The following ADGRB3 variants were observed in gnomAD, a reference collection of about 807,000 sequenced individuals.
The protein encoded by ADGRB3 is brain-specific angiogenesis inhibitor 3.
A neutral mutation model predicts 193.4 loss-of-function variants in ADGRB3; 37 were observed. That is an observed-to-expected ratio of 0.19 (90% CI 0.15 to 0.25). The LOEUF is 0.25. Among genes scored for constraint, ADGRB3 ranks in the 10% least tolerant of loss-of-function variants. ADGRB3 has a pLI of 1.00. For missense variants in ADGRB3, 1,637 were observed against 1,852.9 expected, an observed-to-expected ratio of 0.88 and a Z score of 2.14; for synonymous variants, 690 against 644.2, an observed-to-expected ratio of 1.07 and a Z score of -1.08.
chr6:69,280,465 T>A (rs1260453315), intron 20 of ADGRB3, among the ~76,000 whole-genome samples: 1 of 152,216 alleles, frequency 6.6e-6, no homozygotes, highest in Non-Finnish European at 1.5e-5. Context: ...CCATCATTTC[T>A]TATCTGTGTG....
rs146126489 is a variant in ADGRB3, at chr6:68,894,631, G to T, written c.758-35928G>T. On this transcript the variant is annotated intron_variant, in intron 3 of 31. Transcript: ENST00000370598. The stretch of plus-strand genomic sequence containing the variant: ...TCATGTTATATACACAGGTGGATTG[G>T]TTAGTATAGAAAAAAAATTGCATTC... 4.3e-4 allele frequency among the ~76,000 whole-genome samples: 66 copies of T among 151,930 alleles called. 2 individuals are homozygous for T. In the East Asian group the frequency reaches 0.012, roughly 28 times the overall value.
At chr6:69,373,265 T>C (rs538793484) in intron 30 of ADGRB3, among the ~76,000 whole-genome samples, 1 of 152,128 alleles carries the variant, frequency 6.6e-6, no homozygotes, top group Non-Finnish European at 1.5e-5. Flanking sequence ...TAATTGATAC[T>C]CCTAAAATTA....
In ADGRB3 at chr6:68,639,475, T is replaced by G. The variant is rs377077866; in HGVS notation, c.757+43T>G. On this transcript the variant is annotated intron_variant, in intron 3 of 31. Transcript: ENST00000370598. ...GGGAAGGTGAGCGGGGGAGCACTTT[T>G]GGGGGATGGAGTTAAAACGTGCTGT... The G allele has an allele frequency of 3.3e-6, 5 of 1,524,982 alleles. No individual in the cohort carries two copies. The African/African-American group carries it at 6.9e-5, about 21-fold the overall frequency. 94.5% of individuals were successfully genotyped at this position (1,524,982 alleles called of 1,614,324 possible).
chr6:68,664,026 G>T (rs932559050), intron 3 of ADGRB3, among the ~76,000 whole-genome samples: 3 of 151,762 alleles, frequency 2.0e-5, no homozygotes, highest in African/African-American at 7.3e-5. Flanking sequence ...TTTCATTCAT[G>T]GGATAAAAGG....
At chr6:69,210,178 G>A (rs1190384082) in intron 17 of ADGRB3, among the ~76,000 whole-genome samples, 3 of 50,872 alleles carry the variant, frequency 5.9e-5, no homozygotes, top group African/African-American at 2.4e-4. Flanking sequence ...ATAAAGGGGA[G>A]TTTATTAAAT....
intron 3 of ADGRB3, among the ~76,000 whole-genome samples, chr6:68,768,856 A>G (rs1164569980): frequency 2.6e-5 from 4 of 151,190 alleles, no homozygotes; most frequent in Admixed American, 6.6e-5. Flanking sequence ...AAAAAAAAAA[A>G]CTCATCAAAA....
At chr6:68,970,775 A>G (rs1345126576) in intron 8 of ADGRB3, among the ~76,000 whole-genome samples, 1 of 152,244 alleles carries the variant, frequency 6.6e-6, no homozygotes, top group Non-Finnish European at 1.5e-5. Flanking sequence ...TAAGTGCATG[A>G]AATAACCAAT....
intron 3 of ADGRB3, among the ~76,000 whole-genome samples, chr6:68,706,016 A>C (rs192908613): frequency 6.6e-6 from 1 of 152,296 alleles, no homozygotes; most frequent in Admixed American, 6.5e-5. Context: ...GAGGTGATCA[A>C]ATACTGAAGT....
intron 3 of ADGRB3, among the ~76,000 whole-genome samples, chr6:68,787,036 G>A (rs7751539): frequency 3.9e-5 from 6 of 152,012 alleles, no homozygotes; most frequent in Non-Finnish European, 7.4e-5. Context: ...GTTCTTATCA[G>A]CTTGAGGAGA....
intron 23 of ADGRB3, 71 bp from the exon 24 acceptor site, chr6:69,332,852 A>AT: frequency 1.3e-5 from 21 of 1,578,652 alleles, no homozygotes; most frequent in Admixed American, 1.8e-5. Flanking sequence ...TAAAAATAGG[A>AT]TTTTCAGGAG....
intron 26 of ADGRB3, among the ~76,000 whole-genome samples, chr6:69,346,227 G>GA (rs1228668112): frequency 6.6e-6 from 1 of 152,102 alleles, no homozygotes; most frequent in Non-Finnish European, 1.5e-5. Flanking sequence ...CACAGAATTA[G>GA]AAAAAACTAC....
At chr6:69,134,229 C>G (rs1284089703) in intron 17 of ADGRB3, among the ~76,000 whole-genome samples, 1 of 152,076 alleles carries the variant, frequency 6.6e-6, no homozygotes, top group Non-Finnish European at 1.5e-5. Flanking sequence ...TTCTTCCTCC[C>G]TTTTTAGTCA....
At chr6:69,316,359 T>C (rs1321565466) in intron 20 of ADGRB3, among the ~76,000 whole-genome samples, 3 of 151,312 alleles carry the variant, frequency 2.0e-5, no homozygotes, top group Non-Finnish European at 4.4e-5. Flanking sequence ...ATAGGAAACA[T>C]AGACAAGTAA....
intron 3 of ADGRB3, among the ~76,000 whole-genome samples, chr6:68,844,004 A>G (rs1582247606): frequency 6.6e-6 from 1 of 152,162 alleles, no homozygotes. Flanking sequence ...TATCTCTCAC[A>G]TATACAAATA....
intron 30 of ADGRB3, among the ~76,000 whole-genome samples, chr6:69,380,562 A>G (rs369637946): frequency 8.5e-5 from 13 of 152,074 alleles, no homozygotes; most frequent in African/African-American, 3.1e-4. Flanking sequence ...AATTGTCTGA[A>G]TCCTAGAAAA....
intron 17 of ADGRB3, among the ~76,000 whole-genome samples, chr6:69,200,875 C>T (rs1765405272): frequency 1.3e-5 from 2 of 152,246 alleles, no homozygotes; most frequent in African/African-American, 4.8e-5. Context: ...TAAGCTGACA[C>T]TGCTAGAACC....
intron 13 of ADGRB3, among the ~76,000 whole-genome samples, chr6:69,022,740 A>G (rs1770308901): frequency 6.6e-6 from 1 of 152,032 alleles, no homozygotes; most frequent in African/African-American, 2.4e-5. Context: ...TTTTGCGGTA[A>G]TAGCATAAAA....
Position 69,382,913 on chromosome 6 carries a change from A to G in ADGRB3, c.4358A>G (p.Asp1453Gly), listed in dbSNP as rs752884419. 1.2e-6 allele frequency: 2 copies of G among 1,605,880 alleles called. No homozygotes were observed. The highest frequency in any genetic ancestry group is 1.1e-5 in the South Asian group (1 of 90,624). Residue 1453 changes from aspartate (D) to glycine (G), a missense_variant, in exon 31 of 32, where the codon GAT (aspartate) becomes GGT (glycine). By Grantham distance (94) the Asp-to-Gly change is moderately conservative (BLOSUM62 -1). Around this residue, in one of 7 missense-constraint regions of ADGRB3, gnomAD observed 368 missense variants for 367.4 expected, o/e 1.00. Coordinates refer to ENST00000370598, the MANE Select transcript of ADGRB3 (RefSeq NM_001704.3). ...QKFQTLDRFR[D>G]IPNTSSMENP... ...TTTCAAACTTTGGACAGATTTCGGGATATACCAAATACAAGCAGTATGGTA... is the reference window on the plus strand; with the variant it reads ...TTTCAAACTTTGGACAGATTTCGGGGTATACCAAATACAAGCAGTATGGTA...
chr6:68,670,364 TC>T (rs1768919973), intron 3 of ADGRB3, among the ~76,000 whole-genome samples: 1 of 152,042 alleles, frequency 6.6e-6, no homozygotes, highest in African/African-American at 2.4e-5. Flanking sequence ...CACAAGATTT[TC>T]CCCAGTGTTT....
Sources: gnomAD v4.1 joint callset for allele counts (sites outside exome capture counted in the v4.1 genomes callset) on GRCh38, gnomAD v4.1.1 for gene constraint, gnomAD v4.1.1 regional missense constraint, MANE v1.5 for transcripts, NCBI Gene and HGNC (gene_info 2026-07-23, HGNC 2026-07-21) for gene names.